The following NCBP3 variants were observed in gnomAD, a reference collection of about 807,000 sequenced individuals.
NCBP3 encodes nuclear cap binding subunit 3, also known as nuclear cap-binding protein subunit 3.
Under a neutral mutation model 75.7 loss-of-function variants are expected in NCBP3, and 20 were observed. The ratio of observed to expected loss-of-function variants is 0.26; its 90% confidence interval spans 0.19 to 0.38. The LOEUF (loss-of-function observed/expected upper bound fraction) is 0.38, where lower values mean the gene tolerates loss of function less well. Ranked by LOEUF, NCBP3 falls within the 10% of genes least tolerant of loss-of-function variation. NCBP3 has a pLI of 1.00. For missense variants in NCBP3, 678 were observed against 796.9 expected, an observed-to-expected ratio of 0.85 and a Z score of 1.80; for synonymous variants, 293 against 290.5, an observed-to-expected ratio of 1.01 and a Z score of -0.09.
At chr17:3,816,372 C>T in intron 10 of NCBP3, 102 bp from the exon 11 acceptor site, 1 of 1,060,880 alleles carries the variant, frequency 9.4e-7, no homozygotes. Context: ...TTAAGAAATC[C>T]TGTCTTACAT....
intron 10 of NCBP3, among the ~76,000 whole-genome samples, chr17:3,816,826 G>A (rs1157712031): frequency 2.6e-5 from 4 of 152,186 alleles, no homozygotes; most frequent in Admixed American, 6.5e-5. Flanking sequence ...GAGGTCAGGA[G>A]ATCGAGACCA....
intron 10 of NCBP3, 100 bp from the exon 11 acceptor site, chr17:3,816,370 T>C (rs1388644278): frequency 1.8e-6 from 2 of 1,098,276 alleles, no homozygotes; most frequent in East Asian, 2.5e-5. Flanking sequence ...ATTTAAGAAA[T>C]CCTGTCTTAC....
chr17:3,812,953 C>G lies in NCBP3; in HGVS notation c.*91G>C. ...GACTGTGTGAGCAGGAGCGAGAGGG[C>G]GCCAGCTCCTGCGGGGGAGGTTCCT... On this transcript the variant is annotated 3_prime_UTR_variant, in exon 13 of 13. Coordinates refer to ENST00000389005, the MANE Select transcript of NCBP3 (RefSeq NM_001114118.3). 8 of 1,565,190 alleles carry G rather than the reference C, an allele frequency of 5.1e-6. No homozygotes were observed. Among genetic ancestry groups the G allele is most frequent in the Non-Finnish European group, 6.9e-6 (8 of 1,157,322 alleles).
At chr17:3,843,541 TTC>T (rs967584105) in intron 1 of NCBP3, among the ~76,000 whole-genome samples, 1 of 152,144 alleles carries the variant, frequency 6.6e-6, no homozygotes, top group African/African-American at 2.4e-5. Flanking sequence ...GTCTGGTTCT[TTC>T]TGTTTTTCTG....
In NCBP3 at chr17:3,816,128, T is replaced by G. The variant is rs776214398; in HGVS notation, c.1453A>C (p.Ser485Arg). ...QHSRPRPPVS[S>R]TKSDIRQRLG... ...TGAGGAACAGTACCTGATTTAGTAC[T>G]GCTGACTGGTGGCCGTGGACGGGAG... Residue 485 changes from serine (S) to arginine (R), a missense_variant, in exon 11 of 13, where the codon AGT (serine) becomes CGT (arginine). Ser to Arg is a moderately radical substitution (Grantham distance 110). Around this residue, in one of 7 missense-constraint regions of NCBP3, gnomAD observed 365 missense variants for 392.7 expected, o/e 0.93. Coordinates refer to ENST00000389005, the MANE Select transcript of NCBP3 (RefSeq NM_001114118.3). 41 of 1,613,968 alleles carry G rather than the reference T, an allele frequency of 2.5e-5. No homozygotes were observed. In the South Asian group the frequency reaches 4.4e-4, roughly 17 times the overall value.
rs986809968 is a variant in NCBP3 at position 3,812,712 on chromosome 17, G to A, written c.*332C>T. On this transcript the variant is annotated 3_prime_UTR_variant, in exon 13 of 13. Coordinates refer to ENST00000389005, the MANE Select transcript of NCBP3 (RefSeq NM_001114118.3). ...GTTCTCTGCTCTTTGGATGAACTGTGTAAAACATTTCTTTTAAAAGACACA... is the reference window on the plus strand; with the variant it reads ...GTTCTCTGCTCTTTGGATGAACTGTATAAAACATTTCTTTTAAAAGACACA... 20 of 1,149,022 alleles carry A rather than the reference G, an allele frequency of 1.7e-5. No homozygotes were observed. The African/African-American group carries it at 3.1e-4, about 18-fold the overall frequency. 71.2% of individuals were successfully genotyped at this position (1,149,022 alleles called of 1,614,324 possible).
chr17:3,816,104 G>A lies in NCBP3; in HGVS notation c.1465+12C>T. ...TCAGAATCCAGCCAGGAATCCAAGTGAGGAACAGTACCTGATTTAGTACTG... is the reference window on the plus strand; with the variant it reads ...TCAGAATCCAGCCAGGAATCCAAGTAAGGAACAGTACCTGATTTAGTACTG... On this transcript the variant is annotated intron_variant, in intron 11 of 12. Coordinates refer to ENST00000389005, the MANE Select transcript of NCBP3 (RefSeq NM_001114118.3). 1 of 1,607,324 alleles carries A rather than the reference G, an allele frequency of 6.2e-7. No homozygotes were observed. The highest frequency in any genetic ancestry group is 2.2e-5 in the East Asian group (1 of 44,600).
At chr17:3,839,300 A>G (rs1425667204) in intron 3 of NCBP3, among the ~76,000 whole-genome samples, 1 of 152,124 alleles carries the variant, frequency 6.6e-6, no homozygotes, top group African/African-American at 2.4e-5. Flanking sequence ...TGACAACAGG[A>G]TGTTACTGAG....
At chr17:3,840,828 C>T (rs182169356) in intron 2 of NCBP3, among the ~76,000 whole-genome samples, 13 of 152,296 alleles carry the variant, frequency 8.5e-5, no homozygotes, top group African/African-American at 2.6e-4. Context: ...CTTCCAGCCT[C>T]GTGTCCACGG....
chr17:3,845,284 G>A (rs1289996779), intron 1 of NCBP3, among the ~76,000 whole-genome samples: 1 of 152,142 alleles, frequency 6.6e-6, no homozygotes. Flanking sequence ...GTTGACATGT[G>A]GTCAAAAGTA....
At chr17:3,842,963 G>A (rs1235530365) in intron 2 of NCBP3, 123 bp downstream of exon 2, 29 of 909,810 alleles carry the variant, frequency 3.2e-5, no homozygotes, top group Non-Finnish European at 4.3e-5. Context: ...ATTTTTTTTA[G>A]AAAAAAAATT....
intron 2 of NCBP3, among the ~76,000 whole-genome samples, chr17:3,842,358 G>C (rs1475234256): frequency 6.6e-6 from 1 of 152,138 alleles, no homozygotes; most frequent in Non-Finnish European, 1.5e-5. Context: ...CCAGGAGGTG[G>C]AGGCTGCAGT....
Position 3,843,163 on chromosome 17 carries a change from G to A in NCBP3, c.184-12C>T, listed in dbSNP as rs943634880. The A allele has an allele frequency of 2.6e-6, 4 of 1,550,820 alleles. No homozygotes were observed. The highest frequency in any genetic ancestry group is 2.4e-5 in the East Asian group (1 of 40,916). On this transcript the variant is annotated splice_polypyrimidine_tract_variant and intron_variant, in intron 1 of 12. Coordinates refer to ENST00000389005, the MANE Select transcript of NCBP3 (RefSeq NM_001114118.3). ...CTTCTGCTCGTGTCCTAACACAAAG[G>A]GGAAGGGTGAGAAATTCAGACAGCA...
chr17:3,839,472 C>T (rs1285757421), intron 3 of NCBP3, among the ~76,000 whole-genome samples: 1 of 152,098 alleles, frequency 6.6e-6, no homozygotes, highest in Non-Finnish European at 1.5e-5. Flanking sequence ...CTCAGCCTCC[C>T]GAGTAGCTGA....
intron 4 of NCBP3, 148 bp from the exon 5 acceptor site, chr17:3,826,363 T>A: frequency 1.2e-6 from 1 of 804,344 alleles, no homozygotes; most frequent in Non-Finnish European, 1.8e-6. Flanking sequence ...AAGAGAAATA[T>A]AGACCAGGCA....
chr17:3,832,902 C>G (rs2053909662), intron 3 of NCBP3, among the ~76,000 whole-genome samples: 1 of 152,090 alleles, frequency 6.6e-6, no homozygotes. Flanking sequence ...CAGACTAATT[C>G]AGTTGAGTGC....
chr17:3,833,188 G>C (rs1377599063), intron 3 of NCBP3, among the ~76,000 whole-genome samples: 1 of 152,170 alleles, frequency 6.6e-6, no homozygotes, highest in African/African-American at 2.4e-5. Context: ...AGGAGGTTGA[G>C]GCTGCAATGA....
In NCBP3 at chr17:3,826,143, T is replaced by A; in HGVS notation, c.554A>T (p.Asp185Val). The A allele has an allele frequency of 6.4e-7, 1 of 1,551,692 alleles. No homozygotes were observed. The highest frequency in any genetic ancestry group is 1.2e-5 in the South Asian group (1 of 84,062). Reference sequence around the variant, plus strand: ...ACTGGCATCCCTGCTTCTGATCTTATCCTGTGCAGGCAGGGAGCTCATATT... The same window carrying A: ...ACTGGCATCCCTGCTTCTGATCTTAACCTGTGCAGGCAGGGAGCTCATATT... ...LINMSSLPAQ[D>V]KIRSRDASED... Residue 185 changes from aspartate (D) to valine (V), a missense_variant, in exon 5 of 13, where the codon GAT (aspartate) becomes GTT (valine). Asp to Val is a radical substitution (Grantham distance 152, BLOSUM62 -3). Transcript: ENST00000389005.
intron 4 of NCBP3, 29 bp from the exon 5 acceptor site, chr17:3,826,244 C>A (rs1405199755): frequency 1.3e-6 from 2 of 1,524,792 alleles, no homozygotes; most frequent in Admixed American, 4.3e-5. Context: ...TAAGACATTA[C>A]ACAGCATGGA....
Sources: allele counts gnomAD v4.1 joint callset (sites outside exome capture counted in the v4.1 genomes callset), GRCh38; gene constraint gnomAD v4.1.1; regional missense constraint gnomAD v4.1.1; transcripts MANE v1.5; gene names NCBI Gene and HGNC (gene_info 2026-07-23, HGNC 2026-07-21).